Variants in ARHGAP29 observed in about 807,000 individuals in gnomAD.
The protein encoded by ARHGAP29 is rho GTPase-activating protein 29.
Under a neutral mutation model 122.6 loss-of-function variants are expected in ARHGAP29, and 43 were observed. That is an observed-to-expected ratio of 0.35 (90% confidence interval 0.27 to 0.45). The LOEUF (loss-of-function observed/expected upper bound fraction) is 0.45. Among genes scored for constraint, ARHGAP29 ranks in the 20% least tolerant of loss-of-function variants. The pLI, the probability that ARHGAP29 is intolerant of heterozygous loss-of-function variation, is 1.00. For synonymous variants in ARHGAP29, 506 were observed against 497.1 expected, an observed-to-expected ratio of 1.02 and a Z score of -0.24; for missense variants, 1,303 against 1,477.2, an observed-to-expected ratio of 0.88 and a Z score of 1.93.
At position 94,169,455 on chromosome 1, in the gene ARHGAP29, ATTAT is replaced by A. The variant is rs1363054454; in HGVS notation, c.*4410_*4413del. The stretch of plus-strand genomic sequence containing the variant: ...TGAGGGAGGGAGGAAGAATGAACAA[ATTAT>A]TTAGGATTATGGGAGTCAGGTTTCT... On this transcript the variant is annotated 3_prime_UTR_variant, in exon 23 of 23. Transcript: ENST00000260526. 6.6e-5 allele frequency among the ~76,000 whole-genome samples: 10 copies of A among 152,190 alleles called. No individual in the cohort carries two copies. Among genetic ancestry groups the A allele is most frequent in the African/African-American group, 2.4e-4 (10 of 41,452 alleles).
intron 1 of ARHGAP29, among the ~76,000 whole-genome samples, chr1:94,272,616 C>G (rs1655035788): frequency 6.6e-6 from 1 of 152,230 alleles, no homozygotes; most frequent in Non-Finnish European, 1.5e-5. Context: ...TGACACTCCT[C>G]TGATGAATAA....
intron 12 of ARHGAP29, chr1:94,196,077 G>T (rs546529312): frequency 1.3e-5 from 2 of 152,086 alleles, no homozygotes; most frequent in African/African-American, 4.8e-5. Context: ...AGTAGCAAAG[G>T]TAAATCATCA....
chr1:94,203,115 A>G lies in ARHGAP29; in HGVS notation c.858T>C (p.Ala286=), dbSNP rs1650965783. The G allele has an allele frequency of 1.2e-6, 2 of 1,612,040 alleles. No individual in the cohort carries two copies. Among genetic ancestry groups the G allele is most frequent in the South Asian group, 1.1e-5 (1 of 90,506 alleles). The change falls in exon 9 of 23, where the codon GCT becomes GCC. Residue 286 remains alanine (A), a synonymous_variant. Coordinates refer to ENST00000260526, the MANE Select transcript of ARHGAP29 (RefSeq NM_004815.4). ...TAATCTTTACCTGCACAAATTTGTT[A>G]GCCTGGAGAGCTGCAATTGTTTGTT... ...LLQQTIAALQ[A]NKFVQPLLGR...
chr1:94,177,665 T>C lies in ARHGAP29; in HGVS notation c.2852A>G (p.Glu951Gly). Residue 951 changes from glutamate (E) to glycine (G), a missense_variant, in exon 22 of 23, where the codon GAG becomes GGG. Transcript: ENST00000260526. The stretch of plus-strand genomic sequence containing the variant: ...CGCATTTTGCTTGCGTTCTGATTCC[T>C]CAAATGATGTAGCTCGTTCAAAAAT... Reference protein sequence around the residue: ...SKIFERATSFEESERKQNALG... With the variant: ...SKIFERATSFGESERKQNALG... 2 of 1,613,792 alleles carry C rather than the reference T, an allele frequency of 1.2e-6. No individual in the cohort carries two copies. The highest frequency in any genetic ancestry group is 1.7e-6 in the Non-Finnish European group (2 of 1,179,896).
At chr1:94,295,644 A>G in the ARHGAP29 span, among the ~76,000 whole-genome samples, 1 of 151,932 alleles carries the variant, frequency 6.6e-6, no homozygotes, top group African/African-American at 2.4e-5. Context: ...CGATGAATCC[A>G]TTGGAGAAGG....
rs1557835347 is a variant in ARHGAP29 at position 94,174,891 on chromosome 1, G to T, written c.2906-142C>A. ...TAATATTCTCAGTTACCTATGTGGA[G>T]GAGTTAAACATTTGCACAGTATTAA... On this transcript the variant is annotated intron_variant, in intron 22 of 22. Transcript: ENST00000260526. The T allele has an allele frequency of 7.4e-6, 7 of 950,298 alleles. No homozygotes were observed. In the South Asian group the frequency reaches 1.2e-4, roughly 16 times the overall value. The allele number at this position is 950,298 out of a possible 1,614,324, so 58.9% of individuals were successfully genotyped here. A position where few individuals can be genotyped will look rare whatever the true frequency, so the allele number is the denominator to read the frequency against.
At chr1:94,205,541 A>C (rs1244249939) in intron 6 of ARHGAP29, 94 bp downstream of exon 6, 1 of 1,175,376 alleles carries the variant, frequency 8.5e-7, no homozygotes, top group African/African-American at 1.5e-5. Context: ...AAATGAATAC[A>C]CTAGGTTACT....
At chr1:94,231,088 T>C (rs1287176189) in intron 2 of ARHGAP29, among the ~76,000 whole-genome samples, 1 of 152,070 alleles carries the variant, frequency 6.6e-6, no homozygotes, top group South Asian at 2.1e-4. Flanking sequence ...ATCAATGCAC[T>C]GTGTTACCAT....
At chr1:94,253,510 T>C (rs536481024) in intron 1 of ARHGAP29, among the ~76,000 whole-genome samples, 1 of 152,356 alleles carries the variant, frequency 6.6e-6, no homozygotes, top group East Asian at 1.9e-4. Context: ...TTACTCCTAT[T>C]ATTTTGGAGG....
chr1:94,311,091 G>A, the ARHGAP29 span, among the ~76,000 whole-genome samples: 1 of 152,188 alleles, frequency 6.6e-6, no homozygotes. Context: ...CCTACAAGGA[G>A]CCACTCATTT....
At chr1:94,289,419 G>A in the ARHGAP29 span, among the ~76,000 whole-genome samples, 50 of 152,228 alleles carry the variant, frequency 3.3e-4, no homozygotes, top group African/African-American at 1.2e-3. Flanking sequence ...TAAATATACA[G>A]TCATGTCATC....
In ARHGAP29 at chr1:94,172,352, A is replaced by G. The variant is rs1448738888; in HGVS notation, c.*1517T>C. On this transcript the variant is annotated 3_prime_UTR_variant, in exon 23 of 23. Transcript: ENST00000260526. ...ATTTTCTTTTTAGGTATTCATAGCA[A>G]TATGATTATTTTATATTTTGTACAA... 1 of 152,114 alleles carries G rather than the reference A, an allele frequency of 6.6e-6. No individual in the cohort carries two copies. Among genetic ancestry groups the G allele is most frequent in the East Asian group, 1.9e-4 (1 of 5,198 alleles). The allele number at this position is 152,114 out of a possible 1,614,324, so 9.4% of individuals were successfully genotyped here.
Position 94,173,106 on chromosome 1 carries a change from T to C in ARHGAP29, c.*763A>G, listed in dbSNP as rs1224733738. On this transcript the variant is annotated 3_prime_UTR_variant, in exon 23 of 23. Transcript: ENST00000260526. ...GTTCAGAACTGCTGAAAAACAAAAG[T>C]TTATATAAAATAAAGCCAAGGGGTG... The C allele has an allele frequency of 1.3e-5, 2 of 152,514 alleles. No homozygotes were observed. Among genetic ancestry groups the C allele is most frequent in the Admixed American group, 6.6e-5 (1 of 15,262 alleles). 9.4% of individuals were successfully genotyped at this position (152,514 alleles called of 1,614,324 possible).
rs746084771 is a variant in ARHGAP29, at chr1:94,208,889, A to C, written c.453T>G (p.Leu151=). 1 of 1,613,960 alleles carries C rather than the reference A, an allele frequency of 6.2e-7. No individual in the cohort carries two copies. The highest frequency in any genetic ancestry group is 2.2e-5 in the East Asian group (1 of 44,860). The change falls in exon 5 of 23, where the codon CTT becomes CTG. Residue 151 remains leucine, a synonymous_variant. Coordinates refer to ENST00000260526, the MANE Select transcript of ARHGAP29 (RefSeq NM_004815.4). ...FTFGNILTNF[L]MGDVGNDSLL... ...ATGAATCATTGCCTACATCTCCCATAAGGAAGTTTGTAAGGCTATCCAAGG... is the reference window on the plus strand; with the variant it reads ...ATGAATCATTGCCTACATCTCCCATCAGGAAGTTTGTAAGGCTATCCAAGG...
rs1242650278 is a variant in ARHGAP29 at position 94,237,481 on chromosome 1, G to A, written c.-99C>T. The A allele has an allele frequency of 2.0e-6, 2 of 988,362 alleles. No homozygotes were observed. Among genetic ancestry groups the A allele is most frequent in the Non-Finnish European group, 2.4e-6 (2 of 831,914 alleles). 61.2% of individuals were successfully genotyped at this position (988,362 alleles called of 1,614,324 possible). On this transcript the variant is annotated 5_prime_UTR_variant, in exon 1 of 23. Transcript: ENST00000260526. ...CACACCTACGGCCGCCGCCACCGCCGAGGGCTGGAGCTCGCTGCCCCCATC... is the reference window on the plus strand; with the variant it reads ...CACACCTACGGCCGCCGCCACCGCCAAGGGCTGGAGCTCGCTGCCCCCATC...
chr1:94,294,320 T>C, the ARHGAP29 span, among the ~76,000 whole-genome samples: 2 of 151,860 alleles, frequency 1.3e-5, no homozygotes, highest in South Asian at 2.1e-4. Context: ...TATATATGTA[T>C]ATATTTTTTT....
At chr1:94,288,555 G>C in the ARHGAP29 span, among the ~76,000 whole-genome samples, 1 of 152,138 alleles carries the variant, frequency 6.6e-6, no homozygotes, top group Non-Finnish European at 1.5e-5. Flanking sequence ...TGGTGTTTTA[G>C]TCATGAAGTC....
At chr1:94,190,609 AAATATATT>A (rs1229579158) in intron 12 of ARHGAP29, 1 of 152,532 alleles carries the variant, frequency 6.6e-6, no homozygotes, top group African/African-American at 2.4e-5. Context: ...ACAAATGCCT[AAATATATT>A]ATCACTATCA....
intron 22 of ARHGAP29, chr1:94,176,558 A>G (rs1473788462): frequency 1.3e-5 from 2 of 152,226 alleles, no homozygotes; most frequent in African/African-American, 4.8e-5. Context: ...CAAACAAATA[A>G]GCACAGTGCT....
Sources: gnomAD v4.1 joint callset for allele counts (sites outside exome capture counted in the v4.1 genomes callset) on GRCh38, gnomAD v4.1.1 for gene constraint, MANE v1.5 for transcripts, NCBI Gene and HGNC (gene_info 2026-07-23, HGNC 2026-07-21) for gene names.